TRDMT1: variants seen among roughly 807,000 people sequenced by gnomAD.
TRDMT1 encodes the protein tRNA aspartic acid methyltransferase 1.
A neutral mutation model predicts 51.2 loss-of-function variants in TRDMT1; 49 were observed. That is an observed-to-expected ratio of 0.96 (90% CI 0.76 to 1.21). The LOEUF is 1.21. Among genes scored for constraint, TRDMT1 ranks in the 50% most tolerant of loss-of-function variants. The probability of loss-of-function intolerance (pLI) is 0.00; values close to 1 mark genes in which losing one functional copy is unlikely to be tolerated. For synonymous variants in TRDMT1, 187 were observed against 164.6 expected (o/e 1.14, Z -1.04); for missense variants, 534 against 462.3 (o/e 1.16, Z -1.42).
Position 17,141,719 on chromosome 10 carries a change from C to A in TRDMT1, c.*7321G>T, listed in dbSNP as rs1377906103. On this transcript the variant is annotated 3_prime_UTR_variant, in exon 11 of 11. Transcript: ENST00000377799. Reference sequence around the variant, plus strand: ...TCTATCTTCTGTCATTTCCTCTCTACTACTGATCTCAAGTTTAGCAAAAGA... The same window carrying A: ...TCTATCTTCTGTCATTTCCTCTCTAATACTGATCTCAAGTTTAGCAAAAGA... Among the ~76,000 whole-genome samples, 2 of 152,174 alleles carry A rather than the reference C, an allele frequency of 1.3e-5. No individual in the cohort carries two copies. The highest frequency in any genetic ancestry group is 4.8e-5 in the African/African-American group (2 of 41,438).
chr10:17,169,359 C>T, intron 2 of TRDMT1: 1 of 1,226,022 alleles, frequency 8.2e-7, no homozygotes, highest in Non-Finnish European at 1.0e-6. Context: ...GACCAGTCAC[C>T]ATCCCTTTCA....
In TRDMT1 at chr10:17,138,829, G is replaced by A. The variant is rs7096692; in HGVS notation, c.*10211C>T. The stretch of plus-strand genomic sequence containing the variant: ...AAAAATAACGAAATTCAAATCCAGA[G>A]GGACAAACGCAATAGGGGAATAGGG... On this transcript the variant is annotated 3_prime_UTR_variant, in exon 11 of 11. Coordinates refer to ENST00000377799, the MANE Select transcript of TRDMT1 (RefSeq NM_004412.7). 0.27 allele frequency among the ~76,000 whole-genome samples: 40,638 copies of A among 151,842 alleles called. 5,732 individuals carry two copies. The highest frequency in any genetic ancestry group is 0.36 in the Middle Eastern group (104 of 292).
At chr10:17,164,136 C>A (rs1292597856) in intron 3 of TRDMT1, among the ~76,000 whole-genome samples, 1 of 152,090 alleles carries the variant, frequency 6.6e-6, no homozygotes, top group Non-Finnish European at 1.5e-5. Context: ...ACTGGCAAAC[C>A]GAATCCAGCA....
At chr10:17,171,201 G>C (rs1841950698) in intron 2 of TRDMT1, among the ~76,000 whole-genome samples, 1 of 151,644 alleles carries the variant, frequency 6.6e-6, no homozygotes, top group African/African-American at 2.4e-5. Context: ...TGCATTCTTA[G>C]TCCCAGAGCC....
At position 17,142,514 on chromosome 10, in the gene TRDMT1, T is replaced by TA. The variant is rs759160091; in HGVS notation, c.*6525dup. The TA allele has an allele frequency of 6.6e-6, 1 of 152,172 alleles. No homozygotes were observed. Among genetic ancestry groups the TA allele is most frequent in the East Asian group, 1.9e-4 (1 of 5,188 alleles). The allele number at this position is 152,172 out of a possible 1,614,324, so 9.4% of individuals were successfully genotyped here. On this transcript the variant is annotated 3_prime_UTR_variant, in exon 11 of 11. Coordinates refer to ENST00000377799, the MANE Select transcript of TRDMT1 (RefSeq NM_004412.7). ...GAAGGGAGTCTCAGGCTCAGGGTAA[T>TA]AAAAAATCTTCCTGGGTTAGATGCT...
intron 1 of TRDMT1, chr10:17,200,681 A>T (rs1846036056): frequency 6.3e-6 from 1 of 157,846 alleles, no homozygotes; most frequent in East Asian, 1.9e-4. Flanking sequence ...GAGCTCAATA[A>T]ATAATTTTGA....
chr10:17,146,642 T>C lies in TRDMT1; in HGVS notation c.*2398A>G, dbSNP rs10904887. 499,173 of 983,652 alleles carry C rather than the reference T, an allele frequency of 0.51. 130,723 individuals carry two copies. Among genetic ancestry groups the C allele is most frequent in the South Asian group, 0.57 (12,021 of 21,256 alleles). 60.9% of individuals were successfully genotyped at this position (983,652 alleles called of 1,614,324 possible). On this transcript the variant is annotated 3_prime_UTR_variant, in exon 11 of 11. Coordinates refer to ENST00000377799, the MANE Select transcript of TRDMT1 (RefSeq NM_004412.7). Reference sequence around the variant, plus strand: ...GGGAAAAGGAGAACGAAAAATCGGTTTACTGTAAGGTATGGTGAAGACTGA... The same window carrying C: ...GGGAAAAGGAGAACGAAAAATCGGTCTACTGTAAGGTATGGTGAAGACTGA...
At chr10:17,166,424 A>G (rs1479115396) in intron 3 of TRDMT1, among the ~76,000 whole-genome samples, 3 of 151,776 alleles carry the variant, frequency 2.0e-5, no homozygotes, top group African/African-American at 7.3e-5. Flanking sequence ...AATGTAAATG[A>G]TGAGTTAATG....
In TRDMT1 at chr10:17,161,530, C is replaced by A; in HGVS notation, c.342G>T (p.Lys114Asn). 1 of 1,308,328 alleles carries A rather than the reference C, an allele frequency of 7.6e-7. No individual in the cohort carries two copies. The highest frequency in any genetic ancestry group is 1.5e-5 in the African/African-American group (1 of 66,868). 81.0% of individuals were successfully genotyped at this position (1,308,328 alleles called of 1,614,324 possible). A position where few individuals can be genotyped will look rare whatever the true frequency, so the allele number is the denominator to read the frequency against. Residue 114 changes from lysine (K) to asparagine (N), a missense_variant, in exon 5 of 11, where the codon AAG becomes AAT. Coordinates refer to ENST00000377799, the MANE Select transcript of TRDMT1 (RefSeq NM_004412.7). ...DILPRLQKLP[K>N]YILLENVKGF... ...CTTTAACATTTTCCAAAAGAATATA[C>A]TTTGGTAATTTTTGTAATCTATAAA...
chr10:17,161,056 T>C (rs1840281093), intron 5 of TRDMT1, among the ~76,000 whole-genome samples: 1 of 152,110 alleles, frequency 6.6e-6, no homozygotes, highest in Non-Finnish European at 1.5e-5. Flanking sequence ...AGGACTCGGG[T>C]GGATGCTTTC....
intron 1 of TRDMT1, among the ~76,000 whole-genome samples, chr10:17,196,175 G>A (rs1293773048): frequency 1.3e-5 from 2 of 152,228 alleles, no homozygotes; most frequent in Admixed American, 1.3e-4. Flanking sequence ...TGACAAATGA[G>A]ATGCTTAGCA....
chr10:17,162,264 A>C (rs1420187667), intron 3 of TRDMT1, 27 bp from the exon 4 acceptor site: 7 of 1,479,238 alleles, frequency 4.7e-6, no homozygotes, highest in Non-Finnish European at 6.4e-6. Context: ...AAAAAAAAAC[A>C]AAAAAAAACA....
At chr10:17,188,112 TGAA>T (rs1364439099) in intron 1 of TRDMT1, among the ~76,000 whole-genome samples, 1 of 150,868 alleles carries the variant, frequency 6.6e-6, no homozygotes, top group Non-Finnish European at 1.5e-5. Context: ...TTAACTGGCA[TGAA>T]GAATTACAGC....
intron 1 of TRDMT1, among the ~76,000 whole-genome samples, chr10:17,200,037 T>C (rs537280481): frequency 6.6e-6 from 1 of 152,330 alleles, no homozygotes; most frequent in South Asian, 2.1e-4. Flanking sequence ...TGAAAAGCAA[T>C]TTGCTATCCT....
chr10:17,192,364 TAAG>T (rs940678344), intron 1 of TRDMT1, among the ~76,000 whole-genome samples: 2 of 152,178 alleles, frequency 1.3e-5, no homozygotes, highest in Admixed American at 1.3e-4. Flanking sequence ...ACAGAGATAG[TAAG>T]AATGACAATA....
intron 1 of TRDMT1, among the ~76,000 whole-genome samples, chr10:17,180,698 C>G (rs1327827881): frequency 6.6e-6 from 1 of 152,130 alleles, no homozygotes; most frequent in Non-Finnish European, 1.5e-5. Flanking sequence ...CAAAGCTGCA[C>G]CTTAGGTGAA....
rs758336473 is a variant in TRDMT1 at position 17,140,037 on chromosome 10, C to CTTTTTTTTTTTTTTT, written c.*8988_*9002dup. On this transcript the variant is annotated 3_prime_UTR_variant, in exon 11 of 11. Coordinates refer to ENST00000377799, the MANE Select transcript of TRDMT1 (RefSeq NM_004412.7). Reference sequence around the variant, plus strand: ...TATTCTTCCAGTAACATCTAGTGTGCTTTTTTTTTTTTTTTTTTTTTTTTT... The same window carrying CTTTTTTTTTTTTTTT: ...TATTCTTCCAGTAACATCTAGTGTGCTTTTTTTTTTTTTTTTTTTTTTTTTTTTTTTTTTTTTTTT... Among the ~76,000 whole-genome samples the CTTTTTTTTTTTTTTT allele has an allele frequency of 3.6e-4, 8 of 21,920 alleles. 4 individuals carry two copies. Among genetic ancestry groups the CTTTTTTTTTTTTTTT allele is most frequent in the African/African-American group, 1.1e-3 (6 of 5,356 alleles). The allele number at this position is 21,920 out of a possible 152,430, so 14.4% of individuals were successfully genotyped here.
intron 1 of TRDMT1, among the ~76,000 whole-genome samples, chr10:17,197,467 G>C (rs1307418861): frequency 6.6e-6 from 1 of 152,192 alleles, no homozygotes; most frequent in Non-Finnish European, 1.5e-5. Flanking sequence ...TGCTGATAAG[G>C]ATGAAAAACT....
chr10:17,197,706 T>C lies in TRDMT1; in HGVS notation c.64+3865A>G, dbSNP rs539642955. Among the ~76,000 whole-genome samples, 9 of 152,086 alleles carry C rather than the reference T, an allele frequency of 5.9e-5. No homozygotes were observed. The South Asian group carries it at 1.2e-3, about 21-fold the overall frequency. Reference sequence around the variant, plus strand: ...GGCCTTGAACAGACACTTCTCTGTATTGAAGAAAACAAATGACTAACAGGC... The same window carrying C: ...GGCCTTGAACAGACACTTCTCTGTACTGAAGAAAACAAATGACTAACAGGC... On this transcript the variant is annotated intron_variant, in intron 1 of 10. Transcript: ENST00000377799.
Sources: gnomAD v4.1 joint callset for allele counts (sites outside exome capture counted in the v4.1 genomes callset) on GRCh38, gnomAD v4.1.1 for gene constraint, MANE v1.5 for transcripts, NCBI Gene and HGNC (gene_info 2026-07-23, HGNC 2026-07-21) for gene names.